Variants in BCO1 observed in about 807,000 individuals in gnomAD.
BCO1 encodes the protein beta,beta-carotene 15,15'-dioxygenase.
In BCO1, 54 loss-of-function variants were observed where a neutral mutation model predicts 56.3. That is an observed-to-expected ratio of 0.96 (90% CI 0.77 to 1.20). BCO1 has a LOEUF of 1.20. Ranked by LOEUF, BCO1 falls within the 50% of genes most tolerant of loss-of-function variation. BCO1 has a pLI of 0.00. For missense variants in BCO1, 801 were observed against 690.9 expected (o/e 1.16, Z -1.79); for synonymous variants, 318 against 266.1 (o/e 1.20, Z -1.90).
rs181719776 is a variant in BCO1, at chr16:81,278,226, G to C, written c.1102-2631G>C. On this transcript the variant is annotated intron_variant, in intron 7 of 10. Coordinates refer to ENST00000258168, the MANE Select transcript of BCO1 (RefSeq NM_017429.3). ...AGGGCTAATTTTTACATTTTGAGTA[G>C]AGATGGGGTTTCACCATGTTAGCCA... Among the ~76,000 whole-genome samples, 178 of 152,166 alleles carry C rather than the reference G, an allele frequency of 1.2e-3. 1 individual carries two copies. The highest frequency in any genetic ancestry group is 4.1e-3 in the African/African-American group (169 of 41,542).
intron 10 of BCO1, among the ~76,000 whole-genome samples, chr16:81,289,934 G>A (rs536422324): frequency 3.9e-5 from 6 of 152,110 alleles, no homozygotes; most frequent in African/African-American, 1.4e-4. Flanking sequence ...GCACGATCTC[G>A]GCTCACCGCA....
intron 1 of BCO1, among the ~76,000 whole-genome samples, chr16:81,239,175 C>T (rs1322689998): frequency 1.3e-5 from 2 of 151,858 alleles, no homozygotes; most frequent in African/African-American, 4.8e-5. Flanking sequence ...CACCACCAAG[C>T]CCGGCTAATC....
chr16:81,274,480 G>A (rs751144028), intron 7 of BCO1, among the ~76,000 whole-genome samples: 14 of 152,030 alleles, frequency 9.2e-5, no homozygotes, highest in Non-Finnish European at 1.6e-4. Flanking sequence ...TAGCCAGGAT[G>A]GTCTCGATCT....
At chr16:81,276,270 C>G (rs911063176) in intron 7 of BCO1, among the ~76,000 whole-genome samples, 2 of 152,228 alleles carry the variant, frequency 1.3e-5, no homozygotes, top group Admixed American at 1.3e-4. Context: ...GGCTTTCTTT[C>G]TCTAGCAGGA....
chr16:81,287,023 C>G (rs1908220892), intron 9 of BCO1, among the ~76,000 whole-genome samples: 7 of 151,922 alleles, frequency 4.6e-5, no homozygotes. Flanking sequence ...TGCAGTGAGC[C>G]AAGATCACGC....
chr16:81,255,512 T>A (rs938314066), intron 2 of BCO1, among the ~76,000 whole-genome samples: 3 of 152,020 alleles, frequency 2.0e-5, no homozygotes. Flanking sequence ...TATTTTTTAT[T>A]TTTTTGAGAT....
intron 7 of BCO1, among the ~76,000 whole-genome samples, chr16:81,280,038 G>A (rs761818625): frequency 4.6e-5 from 7 of 151,860 alleles, no homozygotes; most frequent in African/African-American, 7.3e-5. Flanking sequence ...CGAGGCGGGT[G>A]GATCACTTGA....
chr16:81,273,226 A>G (rs1907346610), intron 7 of BCO1, among the ~76,000 whole-genome samples: 1 of 151,852 alleles, frequency 6.6e-6, no homozygotes, highest in Admixed American at 6.6e-5. Context: ...CAAGTTATCC[A>G]CCCACCTCGG....
In BCO1 at chr16:81,290,539, G is replaced by A. The variant is rs928846473; in HGVS notation, c.1606G>A (p.Asp536Asn). ...GCAGGCCGCTTCTGAGGAACAGCGG[G>A]ACAGGGCTTCCGACTGCCACGGGGC... ...KKQAASEEQR[D>N]RASDCHGAPL... Residue 536 changes from aspartate (D) to asparagine (N), a missense_variant, in exon 11 of 11, where the codon GAC (aspartate) becomes AAC (asparagine). Coordinates refer to ENST00000258168, the MANE Select transcript of BCO1 (RefSeq NM_017429.3). 5 of 1,613,952 alleles carry A rather than the reference G, an allele frequency of 3.1e-6. No homozygotes were observed. The highest frequency in any genetic ancestry group is 4.2e-6 in the Non-Finnish European group (5 of 1,180,034).
intron 7 of BCO1, among the ~76,000 whole-genome samples, chr16:81,277,100 A>G (rs1458854641): frequency 6.6e-6 from 1 of 151,940 alleles, no homozygotes; most frequent in Admixed American, 6.6e-5. Flanking sequence ...ATAAAATAAA[A>G]TTAAATTTAA....
chr16:81,251,687 A>G (rs1484379438), intron 2 of BCO1, among the ~76,000 whole-genome samples: 1 of 152,132 alleles, frequency 6.6e-6, no homozygotes, highest in Non-Finnish European at 1.5e-5. Flanking sequence ...ATTATTTCAA[A>G]GCAAAAAGTT....
rs1209665601 is a variant in BCO1 at position 81,280,900 on chromosome 16, C to CA, written c.1146dup (p.Ala383SerfsTer20). On this transcript the variant is annotated frameshift_variant, in exon 8 of 11. Transcript: ENST00000258168. LOFTEE classifies it high-confidence loss of function. ...AATTTAATCAAAGTGGCATCTACAACAGCCACGGCCCTGAAGGAAGAAGAT... is the reference window on the plus strand; with the variant it reads ...AATTTAATCAAAGTGGCATCTACAACAAGCCACGGCCCTGAAGGAAGAAGAT... 11 of 1,614,000 alleles carry CA rather than the reference C, an allele frequency of 6.8e-6. No homozygotes were observed. Among genetic ancestry groups the CA allele is most frequent in the Non-Finnish European group, 8.5e-6 (10 of 1,179,998 alleles).
chr16:81,286,388 C>A lies in BCO1; in HGVS notation c.1302+754C>A, dbSNP rs190745656. Among the ~76,000 whole-genome samples, 138 of 152,242 alleles carry A rather than the reference C, an allele frequency of 9.1e-4. 1 individual carries two copies. Among genetic ancestry groups the A allele is most frequent in the African/African-American group, 3.2e-3 (134 of 41,552 alleles). Reference sequence around the variant, plus strand: ...CCCCTCCATACCCCAAGCCACTCTCCACTAATCCCAAACCCCAGAGGGAAA... The same window carrying A: ...CCCCTCCATACCCCAAGCCACTCTCAACTAATCCCAAACCCCAGAGGGAAA... On this transcript the variant is annotated intron_variant, in intron 9 of 10. Transcript: ENST00000258168.
At position 81,259,806 on chromosome 16, in the gene BCO1, G is replaced by A; in HGVS notation, c.323+1G>A. On this transcript the variant is annotated splice_donor_variant, in intron 3 of 10. Transcript: ENST00000258168. LOFTEE classifies it high-confidence loss of function. ...ACCCCTGCAAAAACATATTTTCCAAGTAACTGCCTATTTTAAATCTGAGCA... is the reference window on the plus strand; with the variant it reads ...ACCCCTGCAAAAACATATTTTCCAAATAACTGCCTATTTTAAATCTGAGCA... 1 of 1,614,212 alleles carries A rather than the reference G, an allele frequency of 6.2e-7. No individual in the cohort carries two copies. Among genetic ancestry groups the A allele is most frequent in the Non-Finnish European group, 8.5e-7 (1 of 1,180,010 alleles).
chr16:81,276,582 C>T (rs1398506958), intron 7 of BCO1, among the ~76,000 whole-genome samples: 1 of 152,158 alleles, frequency 6.6e-6, no homozygotes, highest in Non-Finnish European at 1.5e-5. Context: ...CTGCCTTATT[C>T]CAGCTCAGAA....
In BCO1 at chr16:81,268,084, C is replaced by T. The variant is rs148510879; in HGVS notation, c.796C>T (p.Arg266Trp). The T allele has an allele frequency of 8.2e-5, 132 of 1,612,606 alleles. No individual in the cohort carries two copies. Among genetic ancestry groups the T allele is most frequent in the African/African-American group, 4.0e-4 (30 of 74,980 alleles). Residue 266 changes from arginine to tryptophan, a missense_variant, in exon 6 of 11, where the codon CGG becomes TGG. Coordinates refer to ENST00000258168, the MANE Select transcript of BCO1 (RefSeq NM_017429.3). ...DILKMATAYI[R>W]RMSWASCLAF... ...TCTCAAGATGGCAACCGCATACATC[C>T]GGAGAATGAGCTGGGCCTCCTGCCT... is the stretch of plus-strand genomic sequence containing the variant.
chr16:81,280,269 C>CAAAAAAAAA (rs58607661), intron 7 of BCO1, among the ~76,000 whole-genome samples: 1 of 36,904 alleles, frequency 2.7e-5, no homozygotes, highest in African/African-American at 8.6e-5. Flanking sequence ...GACTCCATCT[C>CAAAAAAAAA]AAAAAAAAAA....
chr16:81,264,727 T>C lies in BCO1; in HGVS notation c.559T>C (p.Ser187Pro). 6.2e-7 allele frequency: 1 copy of C among 1,614,212 alleles called. No homozygotes were observed. The highest frequency in any genetic ancestry group is 8.5e-7 in the Non-Finnish European group (1 of 1,180,030). The part of the protein sequence containing the change: ...EAGNVLNMGT[S>P]IVEKGKTKYV... ...TGGAAATGTTCTAAACATGGGCACA[T>C]CCATTGTGGAAAAGGGGAAGACAAA... Residue 187 changes from serine to proline, a missense_variant, in exon 5 of 11, where the codon TCC becomes CCC. Physicochemically the swap from Ser to Pro is moderately conservative, Grantham distance 74 (BLOSUM62 -1). Coordinates refer to ENST00000258168, the MANE Select transcript of BCO1 (RefSeq NM_017429.3).
intron 9 of BCO1, among the ~76,000 whole-genome samples, chr16:81,286,073 A>T (rs1006177144): frequency 1.3e-5 from 2 of 151,528 alleles, no homozygotes; most frequent in African/African-American, 4.9e-5. Context: ...ATACAGAAAG[A>T]GACAGAGTCT....
Sources: gnomAD v4.1 joint callset for allele counts (sites outside exome capture counted in the v4.1 genomes callset) on GRCh38, gnomAD v4.1.1 for gene constraint, MANE v1.5 for transcripts, NCBI Gene and HGNC (gene_info 2026-07-23, HGNC 2026-07-21) for gene names.